The following CA8 variants were observed in gnomAD, a reference collection of about 807,000 sequenced individuals.
The protein encoded by CA8 is carbonic anhydrase 8 (inactive), also known as carbonic anhydrase-related protein.
A neutral mutation model predicts 41.4 loss-of-function variants in CA8; 22 were observed. The ratio of observed to expected loss-of-function variants is 0.53; its 90% confidence interval spans 0.38 to 0.76. CA8 has a LOEUF of 0.76. Among genes scored for constraint, CA8 ranks in the 30% least tolerant of loss-of-function variants. The probability of loss-of-function intolerance (pLI) is 0.00; values close to 1 mark genes in which losing one functional copy is unlikely to be tolerated. For synonymous variants in CA8, 121 were observed against 130.6 expected (o/e 0.93, Z 0.50); for missense variants, 270 against 352.8 (o/e 0.77, Z 1.88).
intron 3 of CA8, among the ~76,000 whole-genome samples, chr8:60,251,855 T>C (rs961534925): frequency 2.0e-5 from 3 of 152,208 alleles, no homozygotes; most frequent in African/African-American, 4.8e-5. Flanking sequence ...AATTTAAATG[T>C]GCTCAAGAAA....
chr8:60,225,420 C>T (rs1807398165), intron 5 of CA8, among the ~76,000 whole-genome samples: 1 of 152,176 alleles, frequency 6.6e-6, no homozygotes, highest in African/African-American at 2.4e-5. Flanking sequence ...CCCTGAATTC[C>T]ATAATGACTG....
At chr8:60,226,957 C>G in intron 4 of CA8, 22 bp from the exon 5 acceptor site, 2 of 1,540,512 alleles carry the variant, frequency 1.3e-6, no homozygotes, top group Non-Finnish European at 1.8e-6. Flanking sequence ...AAAGCATAAA[C>G]CACAACCACA....
chr8:60,224,561 A>G lies in CA8; in HGVS notation c.601T>C (p.Phe201Leu). Residue 201 changes from phenylalanine (F) to leucine (L), a missense_variant, in exon 6 of 9, where the codon TTT becomes CTT. By Grantham distance (22) the Phe-to-Leu change is conservative. Transcript: ENST00000317995. ...YKGKSKTIPCFNPNTLLPDPL... is the reference protein window; with the variant it reads ...YKGKSKTIPCLNPNTLLPDPL... ...CCTGGTAATAAAGTGTTAGGATTAA[A>G]GCAAGGTATTGTTTTGGACTTCCCC... 6.3e-7 allele frequency: 1 copy of G among 1,579,310 alleles called. No homozygotes were observed.
At chr8:60,262,140 G>C (rs1286525531) in intron 3 of CA8, among the ~76,000 whole-genome samples, 1 of 152,124 alleles carries the variant, frequency 6.6e-6, no homozygotes, top group Non-Finnish European at 1.5e-5. Flanking sequence ...ACAGTCCACA[G>C]AGTTAGGCTA....
intron 2 of CA8, among the ~76,000 whole-genome samples, chr8:60,276,858 C>G (rs1804253604): frequency 6.6e-6 from 1 of 152,030 alleles, no homozygotes; most frequent in Non-Finnish European, 1.5e-5. Flanking sequence ...GTGGCTCATA[C>G]CTGTAATCCC....
At chr8:60,229,593 C>T (rs1436756429) in intron 4 of CA8, among the ~76,000 whole-genome samples, 4 of 152,146 alleles carry the variant, frequency 2.6e-5, no homozygotes, top group South Asian at 2.1e-4. Context: ...CCCGTCAGTC[C>T]GTGGCCTTCT....
chr8:60,279,618 T>G lies in CA8; in HGVS notation c.292+71A>C, dbSNP rs114775598. Reference sequence around the variant, plus strand: ...GTTGTACTTTTTAAATTGTGCAAGTTAAATCACAGTTCAATAACTCTACGC... The same window carrying G: ...GTTGTACTTTTTAAATTGTGCAAGTGAAATCACAGTTCAATAACTCTACGC... On this transcript the variant is annotated intron_variant, in intron 2 of 8. Coordinates refer to ENST00000317995, the MANE Select transcript of CA8 (RefSeq NM_004056.6). 1,202 of 1,309,372 alleles carry G rather than the reference T, an allele frequency of 9.2e-4. 8 individuals are homozygous for G. In the African/African-American group the frequency reaches 0.015, roughly 17 times the overall value. The allele number at this position is 1,309,372 out of a possible 1,614,324, so 81.1% of individuals were successfully genotyped here.
chr8:60,208,916 C>G lies in CA8; in HGVS notation c.742G>C (p.Glu248Gln). ...YPLTISQLQI[E>Q]EFRRLRTHVK... ...TGTGTCCTCAGCCTTCGAAATTCTTCTATCTGAAAATAAAAGCAGAAGAAA... is the reference window on the plus strand; with the variant it reads ...TGTGTCCTCAGCCTTCGAAATTCTTGTATCTGAAAATAAAAGCAGAAGAAA... Residue 248 changes from glutamate (E) to glutamine (Q), a missense_variant, in exon 8 of 9, where the codon GAA (glutamate) becomes CAA (glutamine). Transcript: ENST00000317995. 6.2e-7 allele frequency: 1 copy of G among 1,614,004 alleles called. No individual in the cohort carries two copies. The highest frequency in any genetic ancestry group is 8.5e-7 in the Non-Finnish European group (1 of 1,179,968).
intron 3 of CA8, among the ~76,000 whole-genome samples, chr8:60,257,697 G>A (rs1418403750): frequency 6.6e-6 from 1 of 152,108 alleles, no homozygotes; most frequent in Non-Finnish European, 1.5e-5. Flanking sequence ...TTCTCATTTT[G>A]TTGGGTTACT....
At chr8:60,198,243 A>C (rs1806333170) in intron 8 of CA8, among the ~76,000 whole-genome samples, 1 of 152,162 alleles carries the variant, frequency 6.6e-6, no homozygotes, top group Admixed American at 6.6e-5. Flanking sequence ...CTTTATCTCT[A>C]AAATGAAAAA....
chr8:60,206,544 T>C lies in CA8; in HGVS notation c.*35+2206A>G, dbSNP rs181985332. ...ACTAAACCTAGACTGGAGAAATGCA[T>C]AAATTCACGCTTTGCAACCCTCATC... On this transcript the variant is annotated intron_variant, in intron 8 of 8. Coordinates refer to ENST00000317995, the MANE Select transcript of CA8 (RefSeq NM_004056.6). Among the ~76,000 whole-genome samples the C allele has an allele frequency of 2.6e-5, 4 of 152,276 alleles. No individual in the cohort carries two copies. In the East Asian group the frequency reaches 7.7e-4, roughly 29 times the overall value.
chr8:60,193,237 G>C (rs1335514125), intron 8 of CA8, among the ~76,000 whole-genome samples: 1 of 152,040 alleles, frequency 6.6e-6, no homozygotes, highest in Non-Finnish European at 1.5e-5. Context: ...CCATTGCCTA[G>C]CTCTCCTCTC....
At chr8:60,214,374 T>G (rs932575391) in intron 7 of CA8, among the ~76,000 whole-genome samples, 1 of 152,190 alleles carries the variant, frequency 6.6e-6, no homozygotes, top group African/African-American at 2.4e-5. Flanking sequence ...AAAGGTCCCA[T>G]GTCTTAATAC....
intron 5 of CA8, among the ~76,000 whole-genome samples, chr8:60,225,535 T>A (rs187900359): frequency 6.6e-6 from 1 of 152,170 alleles, no homozygotes; most frequent in Non-Finnish European, 1.5e-5. Context: ...GCTTTTTTTA[T>A]CTGGACTGGG....
rs769824460 is a variant in CA8 at position 60,265,841 on chromosome 8, C to T, written c.417+84G>A. The T allele has an allele frequency of 1.2e-5, 17 of 1,472,140 alleles. No individual in the cohort carries two copies. In the East Asian group the frequency reaches 3.5e-4, roughly 30 times the overall value. The allele number at this position is 1,472,140 out of a possible 1,614,324, so 91.2% of individuals were successfully genotyped here. A position where few individuals can be genotyped will look rare whatever the true frequency, so the allele number is the denominator to read the frequency against. ...ATAAAATTCAAGAGCTATGCATCTACTTTTAAACTAAATCATTTTCAGTAA... is the reference window on the plus strand; with the variant it reads ...ATAAAATTCAAGAGCTATGCATCTATTTTTAAACTAAATCATTTTCAGTAA... On this transcript the variant is annotated intron_variant, in intron 3 of 8. Transcript: ENST00000317995.
At chr8:60,258,212 T>C (rs1468476392) in intron 3 of CA8, among the ~76,000 whole-genome samples, 7 of 152,234 alleles carry the variant, frequency 4.6e-5, no homozygotes, top group Non-Finnish European at 1.0e-4. Context: ...ACCCTTATTT[T>C]ACTAAATAAC....
At chr8:60,196,612 G>C (rs1806288973) in intron 8 of CA8, among the ~76,000 whole-genome samples, 1 of 152,036 alleles carries the variant, frequency 6.6e-6, no homozygotes, top group Non-Finnish European at 1.5e-5. Context: ...AATATTGTAA[G>C]GTATTAATTC....
At chr8:60,199,153 A>G (rs1806355755) in intron 8 of CA8, among the ~76,000 whole-genome samples, 1 of 152,218 alleles carries the variant, frequency 6.6e-6, no homozygotes, top group Non-Finnish European at 1.5e-5. Context: ...AACTAAAAAT[A>G]TTACCAACAA....
intron 8 of CA8, among the ~76,000 whole-genome samples, chr8:60,195,211 C>T (rs1434751335): frequency 2.0e-5 from 3 of 152,184 alleles, no homozygotes; most frequent in Non-Finnish European, 4.4e-5. Flanking sequence ...AGTATGGCCA[C>T]ATCCTAAGAA....
Sources: allele counts gnomAD v4.1 joint callset (sites outside exome capture counted in the v4.1 genomes callset), GRCh38; gene constraint gnomAD v4.1.1; transcripts MANE v1.5; gene names NCBI Gene and HGNC (gene_info 2026-07-23, HGNC 2026-07-21).